The following PIK3IP1 variants were observed in gnomAD, a reference collection of about 807,000 sequenced individuals.
PIK3IP1 encodes phosphoinositide-3-kinase-interacting protein 1.
Under a neutral mutation model 30.7 loss-of-function variants are expected in PIK3IP1, and 28 were observed. That is an observed-to-expected ratio of 0.91 (90% confidence interval 0.68 to 1.25). PIK3IP1 has a LOEUF of 1.25. PIK3IP1 is among the 50% of genes most tolerant of loss of function. PIK3IP1 has a pLI of 0.00. For missense variants in PIK3IP1, 333 were observed against 346.2 expected (o/e 0.96, Z 0.30); for synonymous variants, 159 against 140.8 (o/e 1.13, Z -0.91).
intron 5 of PIK3IP1, among the ~76,000 whole-genome samples, chr22:31,285,332 C>T (rs539226048): frequency 7.8e-4 from 119 of 152,344 alleles, no homozygotes; most frequent in African/African-American, 2.8e-3. Flanking sequence ...GGCTATAGAA[C>T]ACCAATTGTA....
chr22:31,289,396 G>A lies in PIK3IP1; in HGVS notation c.509-3C>T. On this transcript the variant is annotated splice_region_variant and splice_polypyrimidine_tract_variant and intron_variant, in intron 4 of 5. Transcript: ENST00000215912. ...CATGGTAATGCCCAGCACGTAGCCTGCCAAGGATAGGACACAAGGTCCCAT... is the reference window on the plus strand; with the variant it reads ...CATGGTAATGCCCAGCACGTAGCCTACCAAGGATAGGACACAAGGTCCCAT... 6.2e-7 allele frequency: 1 copy of A among 1,603,850 alleles called. No individual in the cohort carries two copies. The highest frequency in any genetic ancestry group is 8.5e-7 in the Non-Finnish European group (1 of 1,175,222).
chr22:31,288,126 A>C (rs2123889158), intron 5 of PIK3IP1, among the ~76,000 whole-genome samples: 1 of 151,984 alleles, frequency 6.6e-6, no homozygotes, highest in South Asian at 2.1e-4. Context: ...GTTCATGCCT[A>C]TACACTTTGG....
rs1476754543 is a variant in PIK3IP1, at chr22:31,282,971, GC to G, written c.*112del. 4.1e-5 allele frequency: 33 copies of G among 799,522 alleles called. 1 individual carries two copies. Among genetic ancestry groups the G allele is most frequent in the Middle Eastern group, 3.7e-4 (1 of 2,694 alleles). 49.5% of individuals were successfully genotyped at this position (799,522 alleles called of 1,614,324 possible). On this transcript the variant is annotated 3_prime_UTR_variant, in exon 6 of 6. Transcript: ENST00000215912. Reference sequence around the variant, plus strand: ...ACTCTTACTAGGATTCGCCAAAAAAGCGGGGGAGTGGTAGGGTTTTAACCAG... The same window carrying G: ...ACTCTTACTAGGATTCGCCAAAAAAGGGGGGAGTGGTAGGGTTTTAACCAG...
At position 31,290,957 on chromosome 22, in the gene PIK3IP1, G is replaced by T. The variant is rs774698844; in HGVS notation, c.307+8C>A. The T allele has an allele frequency of 1.3e-6, 2 of 1,571,406 alleles. No homozygotes were observed. The highest frequency in any genetic ancestry group is 1.7e-6 in the Non-Finnish European group (2 of 1,162,526). Reference sequence around the variant, plus strand: ...GGAGCGGGGATTCCCGGGGTCCCGGGCAGGTACCTGGACAGCGCAGGTCCT... The same window carrying T: ...GGAGCGGGGATTCCCGGGGTCCCGGTCAGGTACCTGGACAGCGCAGGTCCT... On this transcript the variant is annotated splice_region_variant and intron_variant, in intron 3 of 5. Coordinates refer to ENST00000215912, the MANE Select transcript of PIK3IP1 (RefSeq NM_052880.5).
In PIK3IP1 at chr22:31,283,289, CT is replaced by C. The variant is rs926064535; in HGVS notation, c.588-2del. 4 of 1,604,020 alleles carry C rather than the reference CT, an allele frequency of 2.5e-6. No homozygotes were observed. Among genetic ancestry groups the C allele is most frequent in the African/African-American group, 1.5e-5 (1 of 66,836 alleles). On this transcript the variant is annotated splice_acceptor_variant, in intron 5 of 5. Transcript: ENST00000215912. LOFTEE classifies it high-confidence loss of function. ...ATGCTGTTCTTTCAAATCCTTCCCCCTGGCAGGAAAAAAACAAACAAACATT... is the reference window on the plus strand; with the variant it reads ...ATGCTGTTCTTTCAAATCCTTCCCCCGGCAGGAAAAAAACAAACAAACATT...
At chr22:31,284,856 TC>T in intron 5 of PIK3IP1, among the ~76,000 whole-genome samples, 1 of 151,616 alleles carries the variant, frequency 6.6e-6, no homozygotes, top group Non-Finnish European at 1.5e-5. Context: ...CAGGCTGAGC[TC>T]CCACCCACCC....
chr22:31,292,455 A>G lies in PIK3IP1; in HGVS notation c.-111T>C, dbSNP rs2049188374. 1 of 823,970 alleles carries G rather than the reference A, an allele frequency of 1.2e-6. No individual in the cohort carries two copies. The highest frequency in any genetic ancestry group is 1.4e-5 in the South Asian group (1 of 69,614). The allele number at this position is 823,970 out of a possible 1,614,324, so 51.0% of individuals were successfully genotyped here. ...CCTTGCAGTCAGACCTGCCCTTGTT[A>G]TGCTGTTCTGGTAAACAGCCTCTCT... On this transcript the variant is annotated 5_prime_UTR_variant, in exon 1 of 6. Coordinates refer to ENST00000215912, the MANE Select transcript of PIK3IP1 (RefSeq NM_052880.5).
At position 31,282,848 on chromosome 22, in the gene PIK3IP1, C is replaced by G. The variant is rs2049099818; in HGVS notation, c.*236G>C. ...ATCACTGTGGGAGCTGCCACTGTCT[C>G]CATCCACAGACAAAATCTGCTCCAA... On this transcript the variant is annotated 3_prime_UTR_variant, in exon 6 of 6. Transcript: ENST00000215912. 2.0e-6 allele frequency: 1 copy of G among 502,774 alleles called. No individual in the cohort carries two copies. The highest frequency in any genetic ancestry group is 3.4e-5 in the East Asian group (1 of 29,648). The allele number at this position is 502,774 out of a possible 1,614,324, so 31.1% of individuals were successfully genotyped here. A position where few individuals can be genotyped will look rare whatever the true frequency, so the allele number is the denominator to read the frequency against.
At chr22:31,290,295 A>G (rs755495589) in intron 3 of PIK3IP1, 1 of 152,386 alleles carries the variant, frequency 6.6e-6, no homozygotes, top group Non-Finnish European at 1.5e-5. Context: ...CGGCTGAGGC[A>G]GGAGAATCAC....
Position 31,289,489 on chromosome 22 carries a change from A to C in PIK3IP1, c.508+10T>G. On this transcript the variant is annotated intron_variant, in intron 4 of 5. Coordinates refer to ENST00000215912, the MANE Select transcript of PIK3IP1 (RefSeq NM_052880.5). The stretch of plus-strand genomic sequence containing the variant: ...ATCCCAACGAGGGCAGGGGTGGGGG[A>C]CCGTCATACCCAGAGTTCCCAGGTC... 6.5e-7 allele frequency: 1 copy of C among 1,536,230 alleles called. No individual in the cohort carries two copies. The highest frequency in any genetic ancestry group is 8.8e-7 in the Non-Finnish European group (1 of 1,140,216).
chr22:31,292,360 C>T lies in PIK3IP1; in HGVS notation c.-16G>A. 1 of 1,613,868 alleles carries T rather than the reference C, an allele frequency of 6.2e-7. No individual in the cohort carries two copies. The stretch of plus-strand genomic sequence containing the variant: ...CCAACAGCATCCTTGCCTCCTTCGT[C>T]TTGCAGGTGATTGAACGACCAGTGT... On this transcript the variant is annotated 5_prime_UTR_variant, in exon 1 of 6. Transcript: ENST00000215912.
chr22:31,283,307 A>T lies in PIK3IP1; in HGVS notation c.588-19T>A. On this transcript the variant is annotated intron_variant, in intron 5 of 5. Transcript: ENST00000215912. The stretch of plus-strand genomic sequence containing the variant: ...CTTCCCCCTGGCAGGAAAAAAACAA[A>T]CAAACATTCAGGCTATGCCTCCTGC... The T allele has an allele frequency of 6.2e-7, 1 of 1,613,384 alleles. No homozygotes were observed. The highest frequency in any genetic ancestry group is 8.5e-7 in the Non-Finnish European group (1 of 1,179,564).
intron 3 of PIK3IP1, 128 bp from the exon 4 acceptor site, chr22:31,289,827 A>C (rs2049160014): frequency 7.2e-6 from 7 of 971,738 alleles, no homozygotes; most frequent in Non-Finnish European, 9.1e-6. Context: ...ACACAACCCA[A>C]AGTCAAATTC....
In PIK3IP1 at chr22:31,291,032, G is replaced by T; in HGVS notation, c.240C>A (p.Pro80=). 1 of 1,580,160 alleles carries T rather than the reference G, an allele frequency of 6.3e-7. No individual in the cohort carries two copies. Among genetic ancestry groups the T allele is most frequent in the Non-Finnish European group, 8.6e-7 (1 of 1,162,010 alleles). The change falls in exon 3 of 6, where the codon CCC becomes CCA. Residue 80 remains proline (P), a synonymous_variant. Coordinates refer to ENST00000215912, the MANE Select transcript of PIK3IP1 (RefSeq NM_052880.5). The part of the protein sequence containing the change: ...CRNPDEDPRG[P]WCYVSGEAGV... ...CGGCCTCGCCACTGACGTAGCACCA[G>T]GGCCCGCGCGGGTCCTCGTCCGGGT... is the stretch of plus-strand genomic sequence containing the variant.
Position 31,282,681 on chromosome 22 carries a change from G to C in PIK3IP1, c.*403C>G, listed in dbSNP as rs183364060. 3.7e-4 allele frequency: 67 copies of C among 180,332 alleles called. No homozygotes were observed. The East Asian group carries it at 9.0e-3, about 24-fold the overall frequency. 11.2% of individuals were successfully genotyped at this position (180,332 alleles called of 1,614,324 possible). ...CCTTGACCTGCTTTACCTTAACCAT[G>C]AATAACAGTGTATGCCACTCAAGCC... On this transcript the variant is annotated 3_prime_UTR_variant, in exon 6 of 6. Transcript: ENST00000215912.
chr22:31,286,734 C>T (rs1033354096), intron 5 of PIK3IP1, among the ~76,000 whole-genome samples: 1 of 152,240 alleles, frequency 6.6e-6, no homozygotes, highest in Admixed American at 6.5e-5. Flanking sequence ...GATTGCAGGA[C>T]AGCCAAATGC....
At position 31,291,315 on chromosome 22, in the gene PIK3IP1, C is replaced by G; in HGVS notation, c.71-19G>C. ...AAACAGCCTGTGAGGAAAAGAAGCC[C>G]CCGGACACAGAATAGCGGGCAGCGA... On this transcript the variant is annotated intron_variant, in intron 1 of 5. Coordinates refer to ENST00000215912, the MANE Select transcript of PIK3IP1 (RefSeq NM_052880.5). 4 of 1,553,748 alleles carry G rather than the reference C, an allele frequency of 2.6e-6. No individual in the cohort carries two copies. The highest frequency in any genetic ancestry group is 2.4e-5 in the South Asian group (2 of 84,358).
intron 3 of PIK3IP1, 78 bp downstream of exon 3, chr22:31,290,887 C>A (rs1025731833): frequency 4.1e-6 from 6 of 1,456,818 alleles, no homozygotes; most frequent in Non-Finnish European, 5.4e-6. Flanking sequence ...CATCGCGCGG[C>A]CGCACGTGCG....
chr22:31,282,961 C>G lies in PIK3IP1; in HGVS notation c.*123G>C, dbSNP rs754850542. ...TGCTTCTGTCACTCTTACTAGGATT[C>G]GCCAAAAAAGCGGGGGAGTGGTAGG... On this transcript the variant is annotated 3_prime_UTR_variant, in exon 6 of 6. Coordinates refer to ENST00000215912, the MANE Select transcript of PIK3IP1 (RefSeq NM_052880.5). 1.3e-6 allele frequency: 1 copy of G among 746,452 alleles called. No individual in the cohort carries two copies. The highest frequency in any genetic ancestry group is 1.8e-5 in the African/African-American group (1 of 55,900). The allele number at this position is 746,452 out of a possible 1,614,324, so 46.2% of individuals were successfully genotyped here.
Sources: gnomAD v4.1 joint callset for allele counts (sites outside exome capture counted in the v4.1 genomes callset) on GRCh38, gnomAD v4.1.1 for gene constraint, MANE v1.5 for transcripts, NCBI Gene and HGNC (gene_info 2026-07-23, HGNC 2026-07-21) for gene names.